RAMP1: variants seen among roughly 807,000 people sequenced by gnomAD.
RAMP1 encodes receptor activity modifying protein 1.
A neutral mutation model predicts 8.2 loss-of-function variants in RAMP1; 7 were observed. The observed-to-expected ratio is 0.85, with a 90% CI of 0.49 to 1.60. The LOEUF is 1.60. Ranked by LOEUF, RAMP1 falls within the 40% of genes most tolerant of loss-of-function variation. The pLI is 0.00. For missense variants in RAMP1, 192 were observed against 202.4 expected (o/e 0.95, Z 0.31); for synonymous variants, 92 against 84.7 (o/e 1.09, Z -0.47).
At chr2:237,866,238 TA>T (rs754575052) in intron 1 of RAMP1, among the ~76,000 whole-genome samples, 1 of 152,106 alleles carries the variant, frequency 6.6e-6, no homozygotes, top group Non-Finnish European at 1.5e-5. Context: ...CTGTGGCCAC[TA>T]CCGAGAGTGG....
At chr2:237,860,557 C>T (rs1481401414) in intron 1 of RAMP1, among the ~76,000 whole-genome samples, 1 of 152,216 alleles carries the variant, frequency 6.6e-6, no homozygotes, top group East Asian at 1.9e-4. Flanking sequence ...ACTCAAGCCC[C>T]TTCTAAACCG....
intron 2 of RAMP1, among the ~76,000 whole-genome samples, chr2:237,892,679 A>G (rs2062498400): frequency 6.6e-6 from 1 of 152,082 alleles, no homozygotes; most frequent in African/African-American, 2.4e-5. Context: ...TTGTCCAACC[A>G]CACACTTTGG....
At chr2:237,882,376 A>T (rs1406921730) in intron 2 of RAMP1, among the ~76,000 whole-genome samples, 2 of 152,208 alleles carry the variant, frequency 1.3e-5, no homozygotes, top group South Asian at 4.1e-4. Flanking sequence ...GGCGTTTATT[A>T]CCGCGTGCTG....
intron 1 of RAMP1, among the ~76,000 whole-genome samples, chr2:237,872,396 G>T (rs1021492826): frequency 1.3e-5 from 2 of 152,198 alleles, no homozygotes; most frequent in Non-Finnish European, 2.9e-5. Context: ...TGACTGCCCA[G>T]GTCGTGGGAC....
chr2:237,911,878 G>A lies in RAMP1; in HGVS notation c.*95G>A. 1 of 1,451,640 alleles carries A rather than the reference G, an allele frequency of 6.9e-7. No homozygotes were observed. The highest frequency in any genetic ancestry group is 2.4e-5 in the Admixed American group (1 of 41,134). The allele number at this position is 1,451,640 out of a possible 1,614,324, so 89.9% of individuals were successfully genotyped here. On this transcript the variant is annotated 3_prime_UTR_variant, in exon 3 of 3. Coordinates refer to ENST00000254661, the MANE Select transcript of RAMP1 (RefSeq NM_005855.4). ...GCTTCTGGAGCCTTGGGACAGAGCAGGCCCACAATGCCCCCCTTCTTCCAG... is the reference window on the plus strand; with the variant it reads ...GCTTCTGGAGCCTTGGGACAGAGCAAGCCCACAATGCCCCCCTTCTTCCAG...
chr2:237,875,869 C>T (rs2062298062), intron 1 of RAMP1, among the ~76,000 whole-genome samples: 2 of 152,070 alleles, frequency 1.3e-5, no homozygotes, highest in African/African-American at 4.8e-5. Flanking sequence ...CCTGCTCGCC[C>T]TCCCCCAGGT....
At chr2:237,889,110 C>G (rs139226678) in intron 2 of RAMP1, among the ~76,000 whole-genome samples, 4,569 of 152,216 alleles carry the variant, frequency 0.03, 90 homozygotes, top group Middle Eastern at 0.048. Flanking sequence ...CCATTGTGCT[C>G]TAAATATTTT....
At chr2:237,883,332 C>T (rs1467100950) in intron 2 of RAMP1, among the ~76,000 whole-genome samples, 2 of 151,514 alleles carry the variant, frequency 1.3e-5, no homozygotes, top group Non-Finnish European at 2.9e-5. Context: ...CTATGAGCGA[C>T]GTAGACAAAG....
intron 2 of RAMP1, among the ~76,000 whole-genome samples, chr2:237,909,331 T>C (rs1001266236): frequency 1.3e-5 from 2 of 151,952 alleles, no homozygotes; most frequent in African/African-American, 4.8e-5. Flanking sequence ...TCCCCGAGCA[T>C]GAGCGAGCTC....
At chr2:237,899,827 C>T (rs2062580224) in intron 2 of RAMP1, among the ~76,000 whole-genome samples, 1 of 152,132 alleles carries the variant, frequency 6.6e-6, no homozygotes, top group Non-Finnish European at 1.5e-5. Flanking sequence ...CCTGTAATCC[C>T]AGCACTTTGG....
intron 1 of RAMP1, among the ~76,000 whole-genome samples, chr2:237,864,568 C>T (rs1055115491): frequency 3.9e-5 from 6 of 152,250 alleles, no homozygotes; most frequent in Middle Eastern, 3.4e-3. Context: ...ACCTCACACA[C>T]GGGACACACA....
At chr2:237,894,005 T>A (rs2062513147) in intron 2 of RAMP1, among the ~76,000 whole-genome samples, 1 of 132,406 alleles carries the variant, frequency 7.6e-6, no homozygotes, top group Admixed American at 8.9e-5. Flanking sequence ...AGTCTCACTC[T>A]GTCACCCAGG....
intron 2 of RAMP1, among the ~76,000 whole-genome samples, chr2:237,895,427 A>G (rs7603344): frequency 0.26 from 39,238 of 151,256 alleles, 5,215 homozygotes; most frequent in South Asian, 0.33. Context: ...ACTCCTCAAA[A>G]CCCCCACAGT....
intron 1 of RAMP1, among the ~76,000 whole-genome samples, chr2:237,870,249 C>T (rs2062231492): frequency 6.6e-6 from 1 of 152,214 alleles, no homozygotes; most frequent in Admixed American, 6.5e-5. Flanking sequence ...TTTACCAAAT[C>T]CCAGGGCCTG....
chr2:237,874,023 C>CAT (rs2062273315), intron 1 of RAMP1, among the ~76,000 whole-genome samples: 1 of 152,194 alleles, frequency 6.6e-6, no homozygotes, highest in African/African-American at 2.4e-5. Context: ...ATGGCAGTCC[C>CAT]GCCCCTTGGG....
intron 2 of RAMP1, among the ~76,000 whole-genome samples, chr2:237,891,401 C>T (rs971876896): frequency 6.6e-6 from 1 of 152,184 alleles, no homozygotes; most frequent in African/African-American, 2.4e-5. Flanking sequence ...CCGCCTGCCT[C>T]GGCCTCCCAA....
intron 1 of RAMP1, among the ~76,000 whole-genome samples, chr2:237,864,311 C>A (rs929244505): frequency 7.3e-6 from 1 of 137,690 alleles, no homozygotes; most frequent in African/African-American, 3.6e-5. Context: ...TTTGCCCAAC[C>A]ATGCGCGTGT....
chr2:237,860,216 G>A (rs2150999923), intron 1 of RAMP1, among the ~76,000 whole-genome samples: 1 of 152,358 alleles, frequency 6.6e-6, no homozygotes, highest in Admixed American at 6.5e-5. Context: ...CGGTTTGTAT[G>A]GAAATTAGTC....
intron 2 of RAMP1, among the ~76,000 whole-genome samples, chr2:237,910,984 C>T (rs2062706583): frequency 1.3e-5 from 2 of 151,972 alleles, no homozygotes; most frequent in Non-Finnish European, 2.9e-5. Flanking sequence ...TAGTCACATA[C>T]ACAGTCACAC....
Sources: allele counts gnomAD v4.1 joint callset (sites outside exome capture counted in the v4.1 genomes callset), GRCh38; gene constraint gnomAD v4.1.1; transcripts MANE v1.5; gene names NCBI Gene and HGNC (gene_info 2026-07-23, HGNC 2026-07-21).